The following GPSM2 variants were observed in gnomAD, a reference collection of about 807,000 sequenced individuals.
GPSM2 encodes the protein G protein-signaling modulator 2.
GPSM2 carries 58 observed loss-of-function variants against 78.4 expected under a neutral mutation model. The observed-to-expected ratio is 0.74, with a 90% CI of 0.60 to 0.92. The LOEUF is 0.92. GPSM2 is among the 40% of genes least tolerant of loss of function. The pLI is 0.00. For missense variants in GPSM2, 700 were observed against 815.5 expected, an observed-to-expected ratio of 0.86 and a Z score of 1.73; for synonymous variants, 224 against 280.2, an observed-to-expected ratio of 0.80 and a Z score of 2.00.
intron 3 of GPSM2, 31 bp downstream of exon 3, chr1:108,897,116 C>T (rs1284225481): frequency 4.9e-6 from 7 of 1,433,984 alleles, no homozygotes; most frequent in Middle Eastern, 2.4e-4. Flanking sequence ...AATATTCTTC[C>T]TTCTGAAATT....
At chr1:108,908,809 A>C (rs1201287370) in intron 10 of GPSM2, among the ~76,000 whole-genome samples, 1 of 150,550 alleles carries the variant, frequency 6.6e-6, no homozygotes, top group African/African-American at 2.5e-5. Context: ...GTTTAGACCG[A>C]CTTGGGCACA....
intron 2 of GPSM2, among the ~76,000 whole-genome samples, chr1:108,887,286 A>G (rs1052752298): frequency 1.3e-5 from 2 of 152,112 alleles, no homozygotes; most frequent in Non-Finnish European, 2.9e-5. Flanking sequence ...TTTAAGGAGG[A>G]GAAAGAGGCC....
chr1:108,922,842 A>G (rs568057972), intron 13 of GPSM2, among the ~76,000 whole-genome samples: 1 of 152,140 alleles, frequency 6.6e-6, no homozygotes, highest in East Asian at 1.9e-4. Flanking sequence ...GGAAAATGTG[A>G]CTGTGAGCCA....
chr1:108,923,649 A>G (rs1650906658), intron 13 of GPSM2, among the ~76,000 whole-genome samples: 2 of 152,246 alleles, frequency 1.3e-5, no homozygotes, highest in South Asian at 4.1e-4. Context: ...GTCCTACACA[A>G]CCTGGTCTGA....
At chr1:108,879,444 G>A (rs1284680129) in intron 1 of GPSM2, among the ~76,000 whole-genome samples, 1 of 152,168 alleles carries the variant, frequency 6.6e-6, no homozygotes, top group Non-Finnish European at 1.5e-5. Flanking sequence ...CCCCATTCCT[G>A]CCTTATATGT....
intron 12 of GPSM2, among the ~76,000 whole-genome samples, chr1:108,920,956 G>A (rs1438166828): frequency 6.6e-6 from 1 of 152,094 alleles, no homozygotes; most frequent in Non-Finnish European, 1.5e-5. Context: ...GCTTATGTAT[G>A]TATCATTCCC....
At chr1:108,923,505 C>G (rs893488393) in intron 13 of GPSM2, among the ~76,000 whole-genome samples, 5 of 152,090 alleles carry the variant, frequency 3.3e-5, no homozygotes, top group African/African-American at 1.2e-4. Flanking sequence ...TTAGAAAGGA[C>G]TAAAATAGGT....
rs1011083014 is a variant in GPSM2 at position 108,926,955 on chromosome 1, G to A, written c.1815+2741G>A. On this transcript the variant is annotated intron_variant, in intron 14 of 14. Coordinates refer to ENST00000264126, the MANE Select transcript of GPSM2 (RefSeq NM_013296.5). ...TAAAATTGACAGAGGTAATCAACAA[G>A]TTCAACAAAGTAGCATGATACAAAA... 2.0e-5 allele frequency: 3 copies of A among 152,142 alleles called. No individual in the cohort carries two copies. In the East Asian group the frequency reaches 5.8e-4, roughly 29 times the overall value. The allele number at this position is 152,142 out of a possible 1,614,324, so 9.4% of individuals were successfully genotyped here.
chr1:108,909,444 A>T (rs1228268336), intron 10 of GPSM2, among the ~76,000 whole-genome samples: 1 of 152,214 alleles, frequency 6.6e-6, no homozygotes, highest in East Asian at 1.9e-4. Context: ...ATAAGATAAT[A>T]TATAAAACAT....
chr1:108,900,797 C>T (rs1046356390), intron 7 of GPSM2, among the ~76,000 whole-genome samples: 2 of 152,046 alleles, frequency 1.3e-5, no homozygotes. Flanking sequence ...TAGGTAGCCT[C>T]CCAAGGTGAC....
At chr1:108,897,707 T>C in intron 4 of GPSM2, 80 bp downstream of exon 4, 1 of 1,243,022 alleles carries the variant, frequency 8.0e-7, no homozygotes, top group Non-Finnish European at 1.1e-6. Flanking sequence ...AATTATTCTA[T>C]AGTTTATTTT....
intron 1 of GPSM2, among the ~76,000 whole-genome samples, chr1:108,878,340 A>G (rs1302468765): frequency 6.6e-6 from 1 of 152,100 alleles, no homozygotes; most frequent in African/African-American, 2.4e-5. Context: ...TTCGCAAGCT[A>G]TTTCCCAGGC....
chr1:108,908,331 A>T (rs1015205247), intron 10 of GPSM2, among the ~76,000 whole-genome samples: 2 of 150,006 alleles, frequency 1.3e-5, no homozygotes, highest in Admixed American at 6.6e-5. Flanking sequence ...AGATTGCTCC[A>T]CTGCACTCCA....
rs565730854 is a variant in GPSM2, at chr1:108,925,446, T to C, written c.1815+1232T>C. On this transcript the variant is annotated intron_variant, in intron 14 of 14. Coordinates refer to ENST00000264126, the MANE Select transcript of GPSM2 (RefSeq NM_013296.5). ...GACAGGAAGACTAAGCCCTGAGCAT[T>C]TCAAAATCTACTGGTTAGATGGAGG... Among the ~76,000 whole-genome samples the C allele has an allele frequency of 3.9e-4, 60 of 152,134 alleles. 1 individual carries two copies. Among genetic ancestry groups the C allele is most frequent in the Admixed American group, 8.5e-4 (13 of 15,274 alleles).
intron 11 of GPSM2, among the ~76,000 whole-genome samples, chr1:108,917,611 C>CACATATATAT (rs1312607573): frequency 9.3e-4 from 21 of 22,650 alleles, no homozygotes; most frequent in Admixed American, 1.9e-3. Context: ...CACACACACA[C>CACATATATAT]ATATATATAT....
At chr1:108,903,038 A>G (rs971604079) in intron 8 of GPSM2, 88 bp from the exon 9 acceptor site, 6 of 771,150 alleles carry the variant, frequency 7.8e-6, no homozygotes, top group Admixed American at 1.9e-5. Context: ...AGCATTCTTT[A>G]TCCCTTTAGT....
In GPSM2 at chr1:108,934,371, T is replaced by C. The variant is rs1652527243; in HGVS notation, c.*4431T>C. On this transcript the variant is annotated 3_prime_UTR_variant, in exon 15 of 15. Coordinates refer to ENST00000264126, the MANE Select transcript of GPSM2 (RefSeq NM_013296.5). The stretch of plus-strand genomic sequence containing the variant: ...CTTTTTCAATGTCCCCAATTCAAAC[T>C]GGCCTCCTTAACTATCCAGAATCAG... 6.0e-6 allele frequency: 2 copies of C among 335,106 alleles called. No homozygotes were observed. Among genetic ancestry groups the C allele is most frequent in the Non-Finnish European group, 1.1e-5 (2 of 185,018 alleles). The allele number at this position is 335,106 out of a possible 1,614,324, so 20.8% of individuals were successfully genotyped here.
At chr1:108,923,522 T>C (rs182712345) in intron 13 of GPSM2, among the ~76,000 whole-genome samples, 32 of 152,346 alleles carry the variant, frequency 2.1e-4, no homozygotes, top group African/African-American at 7.5e-4. Context: ...AGGTTACTTA[T>C]ATTTTTCTAT....
intron 1 of GPSM2, among the ~76,000 whole-genome samples, chr1:108,880,579 C>CAAAAAA (rs56323759): frequency 8.3e-6 from 1 of 119,986 alleles, no homozygotes; most frequent in African/African-American, 3.2e-5. Context: ...GACTCCGTCT[C>CAAAAAA]AAAAAAAAAA....
Sources: allele counts gnomAD v4.1 joint callset (sites outside exome capture counted in the v4.1 genomes callset), GRCh38; gene constraint gnomAD v4.1.1; transcripts MANE v1.5; gene names NCBI Gene and HGNC (gene_info 2026-07-23, HGNC 2026-07-21).